Variants in TRPM3 observed in about 807,000 individuals in gnomAD.
TRPM3 encodes the protein transient receptor potential cation channel subfamily M member 3.
A neutral mutation model predicts 181.2 loss-of-function variants in TRPM3; 77 were observed. That is an observed-to-expected ratio of 0.42 (90% CI 0.35 to 0.51). TRPM3 has a LOEUF of 0.51. Ranked by LOEUF, TRPM3 falls within the 20% of genes least tolerant of loss-of-function variation. The pLI, the probability that TRPM3 is intolerant of heterozygous loss-of-function variation, is 0.01. For synonymous variants in TRPM3, 745 were observed against 796.4 expected (o/e 0.94, Z 1.09); for missense variants, 1,759 against 2,196.7 (o/e 0.80, Z 3.98).
At chr9:71,035,644 G>A (rs2058087632) in intron 1 of TRPM3, among the ~76,000 whole-genome samples, 1 of 152,138 alleles carries the variant, frequency 6.6e-6, no homozygotes, top group Non-Finnish European at 1.5e-5. Flanking sequence ...TTGAACCCGG[G>A]AGGCAGAGGT....
chr9:70,567,995 A>G (rs1253037847), intron 22 of TRPM3, among the ~76,000 whole-genome samples: 1 of 152,220 alleles, frequency 6.6e-6, no homozygotes, highest in Non-Finnish European at 1.5e-5. Flanking sequence ...GTGGAGAGCT[A>G]AAAGAAAGCA....
chr9:71,314,027 T>G (rs1481687210), intron 1 of TRPM3, among the ~76,000 whole-genome samples: 2 of 152,178 alleles, frequency 1.3e-5, no homozygotes, highest in Non-Finnish European at 1.5e-5. Context: ...TTATAAATTC[T>G]TCATAAACAC....
At chr9:71,290,673 T>C (rs1250010671) in intron 1 of TRPM3, among the ~76,000 whole-genome samples, 1 of 152,248 alleles carries the variant, frequency 6.6e-6, no homozygotes, top group Admixed American at 6.5e-5. Context: ...ACAGGTCTCA[T>C]TTATAGAGTT....
intron 1 of TRPM3, among the ~76,000 whole-genome samples, chr9:71,399,020 T>G (rs1361935217): frequency 6.6e-6 from 1 of 152,144 alleles, no homozygotes; most frequent in African/African-American, 2.4e-5. Context: ...TTAAATAATT[T>G]TGACTATATC....
At chr9:71,318,967 G>A (rs551549472) in intron 1 of TRPM3, among the ~76,000 whole-genome samples, 6 of 128,258 alleles carry the variant, frequency 4.7e-5, no homozygotes, top group Non-Finnish European at 1.1e-4. Context: ...GCTGCTTTCT[G>A]TTACTATTGA....
chr9:71,308,158 G>C (rs2087554310), intron 1 of TRPM3, among the ~76,000 whole-genome samples: 1 of 151,536 alleles, frequency 6.6e-6, no homozygotes, highest in East Asian at 1.9e-4. Context: ...TTGGTGGTGA[G>C]CCACCACACC....
intron 1 of TRPM3, among the ~76,000 whole-genome samples, chr9:71,215,262 T>C (rs901357090): frequency 6.6e-6 from 1 of 152,220 alleles, no homozygotes; most frequent in African/African-American, 2.4e-5. Context: ...ATGGCGCTTA[T>C]ATATGGAGGA....
At chr9:71,286,345 G>C (rs1017196587) in intron 1 of TRPM3, among the ~76,000 whole-genome samples, 29 of 152,176 alleles carry the variant, frequency 1.9e-4, no homozygotes, top group African/African-American at 7.0e-4. Context: ...CTGTTGCAAG[G>C]AGCCAGAATC....
At chr9:70,970,298 G>A (rs1372487527) in intron 1 of TRPM3, among the ~76,000 whole-genome samples, 1 of 152,056 alleles carries the variant, frequency 6.6e-6, no homozygotes, top group Non-Finnish European at 1.5e-5. Flanking sequence ...AAGGAGGTTG[G>A]GTAAATCAAG....
At chr9:70,549,796 T>C (rs1889915) in intron 24 of TRPM3, 122 bp from the exon 25 acceptor site, 480,321 of 989,682 alleles carry the variant, frequency 0.49, 120,942 homozygotes, top group East Asian at 0.79. Flanking sequence ...AGATTCCTTG[T>C]TAAGTCTCAA....
chr9:70,974,863 ATTTT>A (rs1177545043), intron 1 of TRPM3, among the ~76,000 whole-genome samples: 4 of 117,972 alleles, frequency 3.4e-5, no homozygotes, highest in African/African-American at 9.5e-5. Context: ...TGGAACATCA[ATTTT>A]TTTTTTTTTT....
chr9:70,850,501 T>A (rs532312875), intron 3 of TRPM3, among the ~76,000 whole-genome samples: 57 of 152,256 alleles, frequency 3.7e-4, no homozygotes, highest in African/African-American at 1.3e-3. Context: ...ATGGCCTTGA[T>A]TGTGCTGATT....
intron 1 of TRPM3, among the ~76,000 whole-genome samples, chr9:71,202,308 G>GT (rs1554845242): frequency 6.6e-6 from 1 of 151,978 alleles, no homozygotes; most frequent in African/African-American, 2.4e-5. Context: ...GAGGCAGTGT[G>GT]CCCATTCTCA....
intron 2 of TRPM3, among the ~76,000 whole-genome samples, chr9:70,863,474 C>T (rs527237393): frequency 1.3e-5 from 2 of 152,238 alleles, no homozygotes; most frequent in African/African-American, 4.8e-5. Flanking sequence ...TATCAAAGCA[C>T]GAAGGTCTCT....
rs146564411 is a variant in TRPM3, at chr9:70,570,785, G to A, written c.3224-17475C>T. Among the ~76,000 whole-genome samples the A allele has an allele frequency of 5.2e-3, 790 of 152,214 alleles. 10 individuals are homozygous for A. The highest frequency in any genetic ancestry group is 0.018 in the African/African-American group (758 of 41,530). The stretch of plus-strand genomic sequence containing the variant: ...ACCAAGTGTCCATTGAATGGCCACC[G>A]AATCATTTGAGATCAGGGAGAAGCT... On this transcript the variant is annotated intron_variant, in intron 22 of 25. Coordinates refer to ENST00000677713, the MANE Select transcript of TRPM3 (RefSeq NM_001366145.2).
At chr9:71,411,413 T>C (rs2093547713) in intron 1 of TRPM3, among the ~76,000 whole-genome samples, 1 of 152,198 alleles carries the variant, frequency 6.6e-6, no homozygotes, top group Admixed American at 6.5e-5. Context: ...AGTCTCAGGA[T>C]ACAAAATCAA....
At chr9:71,215,650 G>A (rs1248443708) in intron 1 of TRPM3, among the ~76,000 whole-genome samples, 1 of 152,184 alleles carries the variant, frequency 6.6e-6, no homozygotes, top group African/African-American at 2.4e-5. Context: ...AGCTAATTTA[G>A]GAGGCAGATT....
In TRPM3 at chr9:70,931,437, T is replaced by C. The variant is rs181899929; in HGVS notation, c.178-66926A>G. 3.0e-3 allele frequency among the ~76,000 whole-genome samples: 454 copies of C among 152,240 alleles called. 2 individuals are homozygous for C. Among genetic ancestry groups the C allele is most frequent in the African/African-American group, 0.011 (440 of 41,570 alleles). On this transcript the variant is annotated intron_variant, in intron 1 of 25. Transcript: ENST00000677713. ...AGAACGGTCTTACAAATGTGACCTC[T>C]TGATGGCTGAAGTTGATTGGAGACA...
chr9:71,318,234 A>G lies in TRPM3; in HGVS notation c.183+128419T>C, dbSNP rs1257615909. Among the ~76,000 whole-genome samples the G allele has an allele frequency of 2.0e-5, 3 of 152,214 alleles. No homozygotes were observed. The East Asian group carries it at 5.8e-4, about 29-fold the overall frequency. On this transcript the variant is annotated intron_variant, in intron 1 of 24. Transcript: ENST00000357533. ...AGCAGCCAAAATCAGGGGTTTTAAA[A>G]TAGGAGATGACATTGTGTAATGGAG... is the stretch of plus-strand genomic sequence containing the variant.
Sources: allele counts gnomAD v4.1 joint callset (sites outside exome capture counted in the v4.1 genomes callset), GRCh38; gene constraint gnomAD v4.1.1; transcripts MANE v1.5; gene names NCBI Gene and HGNC (gene_info 2026-07-23, HGNC 2026-07-21).